Variants in VPS37A observed in about 807,000 individuals in gnomAD.
The protein encoded by VPS37A is VPS37A subunit of ESCRT-I.
In VPS37A, 30 loss-of-function variants were observed where a neutral mutation model predicts 49.8. The observed-to-expected ratio is 0.60, with a 90% CI of 0.45 to 0.82. The LOEUF (loss-of-function observed/expected upper bound fraction) is 0.82. Ranked by LOEUF, VPS37A falls within the 40% of genes least tolerant of loss-of-function variation. The pLI is 0.00. For missense variants in VPS37A, 593 were observed against 464.4 expected (o/e 1.28, Z -2.55); for synonymous variants, 195 against 160.6 (o/e 1.21, Z -1.62).
chr8:17,266,858 C>T (rs1036413268), intron 2 of VPS37A, among the ~76,000 whole-genome samples: 5 of 152,086 alleles, frequency 3.3e-5, no homozygotes, highest in African/African-American at 7.2e-5. Flanking sequence ...CTGCAACCTC[C>T]GCCTCCCGGG....
At chr8:17,301,894 C>T, downstream of VPS37A, 2 of 440,460 alleles carry the variant, frequency 4.5e-6, no homozygotes, top group Non-Finnish European at 7.9e-6. Context: ...ATAACAGTAA[C>T]CAAACAAGTT....
downstream of VPS37A, chr8:17,299,071 A>C (rs1246719961): frequency 1.3e-5 from 2 of 152,208 alleles, no homozygotes; most frequent in African/African-American, 4.8e-5. Flanking sequence ...TCGGTAGTGT[A>C]GTCTCTAGAA....
At chr8:17,302,292 G>A (rs771383412), downstream of VPS37A, 19 of 1,611,734 alleles carry the variant, frequency 1.2e-5, no homozygotes, top group East Asian at 4.5e-5. Flanking sequence ...TGGAAAGGAT[G>A]GCAAAGCGTC....
downstream of VPS37A, chr8:17,304,611 T>C (rs1586138313): frequency 7.2e-7 from 1 of 1,393,720 alleles, no homozygotes; most frequent in African/African-American, 1.4e-5. Context: ...AACTAATAAT[T>C]GTTACCTGAA....
intron 1 of VPS37A, among the ~76,000 whole-genome samples, chr8:17,252,286 G>T (rs1363203899): frequency 6.6e-6 from 1 of 152,086 alleles, no homozygotes; most frequent in Admixed American, 6.6e-5. Flanking sequence ...CAAGTAGCTG[G>T]AACTACAGGC....
chr8:17,302,240 G>A (rs752153854), downstream of VPS37A: 2 of 1,614,006 alleles, frequency 1.2e-6, no homozygotes, highest in Admixed American at 1.7e-5. Context: ...TGTCGGGGCT[G>A]CATCCCCTTT....
At chr8:17,312,036 C>A in the VPS37A span, among the ~76,000 whole-genome samples, 7 of 152,072 alleles carry the variant, frequency 4.6e-5, no homozygotes, top group Non-Finnish European at 7.4e-5. Flanking sequence ...TTATAAATTA[C>A]AGACCTATGA....
At chr8:17,268,783 TGA>T (rs1813709907) in intron 3 of VPS37A, 71 bp from the exon 4 acceptor site, 1 of 988,712 alleles carries the variant, frequency 1.0e-6, no homozygotes, top group South Asian at 1.5e-5. Context: ...ATATTTAGAG[TGA>T]CATTATCCTA....
intron 1 of VPS37A, among the ~76,000 whole-genome samples, chr8:17,259,610 C>T (rs1374111660): frequency 6.6e-6 from 1 of 152,046 alleles, no homozygotes; most frequent in East Asian, 1.9e-4. Context: ...TGAAGTTTAA[C>T]TTTGGTGTTT....
chr8:17,293,223 T>C (rs142798963), intron 11 of VPS37A, among the ~76,000 whole-genome samples: 33 of 151,970 alleles, frequency 2.2e-4, no homozygotes, highest in African/African-American at 8.0e-4. Flanking sequence ...CTGATATCCT[T>C]TCTTCTGCTT....
chr8:17,309,908 G>T, the VPS37A span, among the ~76,000 whole-genome samples: 2 of 152,296 alleles, frequency 1.3e-5, no homozygotes, highest in East Asian at 3.9e-4. Flanking sequence ...GCCCTGCTTT[G>T]AAATTAGGGT....
chr8:17,248,608 G>A (rs1811670489), intron 1 of VPS37A, among the ~76,000 whole-genome samples: 2 of 152,020 alleles, frequency 1.3e-5, no homozygotes, highest in African/African-American at 4.8e-5. Context: ...TTTTCATACA[G>A]TTAAAAAATA....
the VPS37A span, among the ~76,000 whole-genome samples, chr8:17,314,180 T>C: frequency 6.6e-6 from 1 of 152,138 alleles, no homozygotes; most frequent in Non-Finnish European, 1.5e-5. Flanking sequence ...TGAGTACATA[T>C]CACAAATACG....
chr8:17,282,026 T>A (rs913650162), intron 9 of VPS37A, among the ~76,000 whole-genome samples: 1 of 152,086 alleles, frequency 6.6e-6, no homozygotes, highest in African/African-American at 2.4e-5. Flanking sequence ...ATATTTTTTT[T>A]ATCTTAACAG....
At chr8:17,265,798 C>A in intron 1 of VPS37A, 109 bp from the exon 2 acceptor site, 1 of 1,572,428 alleles carries the variant, frequency 6.4e-7, no homozygotes, top group Non-Finnish European at 8.7e-7. Context: ...TATCCAGATT[C>A]TGTGATTAAA....
Position 17,295,419 on chromosome 8 carries a change from AC to A in VPS37A, c.*436del, listed in dbSNP as rs1816546767. ...AAAAACTATTTTCAACTGTGAGGAA[AC>A]CCTTATTTTTCTTTCTTTGTGGATA... On this transcript the variant is annotated 3_prime_UTR_variant, in exon 12 of 12. Coordinates refer to ENST00000324849, the MANE Select transcript of VPS37A (RefSeq NM_152415.3). 6.6e-6 allele frequency: 1 copy of A among 152,534 alleles called. No individual in the cohort carries two copies. Among genetic ancestry groups the A allele is most frequent in the Admixed American group, 6.6e-5 (1 of 15,264 alleles). The allele number at this position is 152,534 out of a possible 1,614,324, so 9.4% of individuals were successfully genotyped here.
chr8:17,260,990 G>A (rs1812913371), intron 1 of VPS37A, among the ~76,000 whole-genome samples: 1 of 152,102 alleles, frequency 6.6e-6, no homozygotes, highest in African/African-American at 2.4e-5. Flanking sequence ...TGACCTTCCA[G>A]TACCTGGATA....
At position 17,293,719 on chromosome 8, in the gene VPS37A, G is replaced by A. The variant is rs548817995; in HGVS notation, c.*1-1268G>A. 5.3e-5 allele frequency among the ~76,000 whole-genome samples: 8 copies of A among 152,302 alleles called. No individual in the cohort carries two copies. In the South Asian group the frequency reaches 1.4e-3, roughly 28 times the overall value. On this transcript the variant is annotated intron_variant, in intron 11 of 11. Coordinates refer to ENST00000324849, the MANE Select transcript of VPS37A (RefSeq NM_152415.3). Reference sequence around the variant, plus strand: ...TTTCTAACAAGCCCCTCTTCTGCAGGTCTGCTGGAGTTTGCTGGGGGTCTA... The same window carrying A: ...TTTCTAACAAGCCCCTCTTCTGCAGATCTGCTGGAGTTTGCTGGGGGTCTA...
Position 17,284,482 on chromosome 8 carries a change from G to T in VPS37A, c.979G>T (p.Ala327Ser), listed in dbSNP as rs1476037106. The change falls in exon 10 of 12, where the codon GCA (alanine) becomes TCA (serine). Residue 327 changes from alanine (A) to serine (S), a missense_variant. Coordinates refer to ENST00000324849, the MANE Select transcript of VPS37A (RefSeq NM_152415.3). ...RQHELSESCSASALQARLKVA... is the reference protein window; with the variant it reads ...RQHELSESCSSSALQARLKVA... ...TGATTTTCTTTTTCAGAGCTGTAGTGCAAGTGCCCTTCAGGCAAGATTGAA... is the reference window on the plus strand; with the variant it reads ...TGATTTTCTTTTTCAGAGCTGTAGTTCAAGTGCCCTTCAGGCAAGATTGAA... 1 of 1,585,030 alleles carries T rather than the reference G, an allele frequency of 6.3e-7. No individual in the cohort carries two copies. Among genetic ancestry groups the T allele is most frequent in the African/African-American group, 1.4e-5 (1 of 72,858 alleles).
Sources: gnomAD v4.1 joint callset for allele counts (sites outside exome capture counted in the v4.1 genomes callset) on GRCh38, gnomAD v4.1.1 for gene constraint, MANE v1.5 for transcripts, NCBI Gene and HGNC (gene_info 2026-07-23, HGNC 2026-07-21) for gene names.